The following SUPT3H variants were observed in gnomAD, a reference collection of about 807,000 sequenced individuals.
SUPT3H encodes transcription initiation protein SPT3 homolog.
SUPT3H carries 44 observed loss-of-function variants against 44.3 expected under a neutral mutation model. The ratio of observed to expected loss-of-function variants is 0.99; its 90% CI spans 0.78 to 1.28. The LOEUF (loss-of-function observed/expected upper bound fraction) is 1.28, where lower values mean the gene tolerates loss of function less well. Among genes scored for constraint, SUPT3H ranks in the 50% most tolerant of loss-of-function variants. The probability of loss-of-function intolerance (pLI) is 0.00; values close to 1 mark genes in which losing one functional copy is unlikely to be tolerated. For missense variants in SUPT3H, 380 were observed against 387.1 expected, an observed-to-expected ratio of 0.98 and a Z score of 0.15; for synonymous variants, 124 against 125.6, an observed-to-expected ratio of 0.99 and a Z score of 0.09.
At chr6:44,838,807 A>G (rs543299838) in intron 10 of SUPT3H, among the ~76,000 whole-genome samples, 1 of 152,304 alleles carries the variant, frequency 6.6e-6, no homozygotes, top group South Asian at 2.1e-4. Flanking sequence ...GACTGACAAT[A>G]GGGGGGCATG....
At chr6:44,849,332 T>C (rs1772463383) in intron 10 of SUPT3H, among the ~76,000 whole-genome samples, 1 of 147,828 alleles carries the variant, frequency 6.8e-6, no homozygotes, top group African/African-American at 2.5e-5. Context: ...GTTCACGCCA[T>C]TCTCCTGCCT....
chr6:45,192,978 G>A (rs1002987545), intron 2 of SUPT3H, among the ~76,000 whole-genome samples: 25 of 152,104 alleles, frequency 1.6e-4, no homozygotes, highest in African/African-American at 4.3e-4. Flanking sequence ...TGACCAGCCC[G>A]CCCAAATTTT....
chr6:44,909,139 G>A (rs1249909268), intron 10 of SUPT3H, among the ~76,000 whole-genome samples: 1 of 91,576 alleles, frequency 1.1e-5, no homozygotes, highest in African/African-American at 4.1e-5. Flanking sequence ...GTGTGTGTGT[G>A]TGCGTGTGTG....
chr6:44,932,553 A>C (rs575631321), intron 10 of SUPT3H, 100 bp downstream of exon 10: 6 of 777,868 alleles, frequency 7.7e-6, no homozygotes, highest in Non-Finnish European at 1.2e-5. Context: ...GTCACCACAA[A>C]TTGCTTTCAA....
intron 2 of SUPT3H, among the ~76,000 whole-genome samples, chr6:45,170,086 A>C (rs1182904394): frequency 6.6e-6 from 1 of 152,182 alleles, no homozygotes; most frequent in Admixed American, 6.5e-5. Flanking sequence ...TAGTTGCCTC[A>C]CTTTGATTTA....
intron 3 of SUPT3H, among the ~76,000 whole-genome samples, chr6:45,073,504 C>A (rs187673161): frequency 1.3e-5 from 2 of 151,818 alleles, no homozygotes; most frequent in African/African-American, 2.4e-5. Context: ...CAGTTTATGG[C>A]GAACTGATAA....
chr6:45,222,342 C>G (rs190043405), intron 2 of SUPT3H, among the ~76,000 whole-genome samples: 1 of 152,062 alleles, frequency 6.6e-6, no homozygotes, highest in African/African-American at 2.4e-5. Context: ...CAACGCTTGA[C>G]AGTAAAACTA....
intron 10 of SUPT3H, among the ~76,000 whole-genome samples, chr6:44,903,429 A>T (rs1765442582): frequency 6.6e-6 from 1 of 152,232 alleles, no homozygotes; most frequent in Admixed American, 6.5e-5. Flanking sequence ...TAGAAAATCT[A>T]GAAGAAATGG....
At chr6:45,016,953 CCCA>C (rs1784381034) in intron 4 of SUPT3H, among the ~76,000 whole-genome samples, 1 of 150,382 alleles carries the variant, frequency 6.6e-6, no homozygotes, top group South Asian at 2.1e-4. Context: ...AGTTTACAGT[CCCA>C]CCAACAGTGT....
chr6:44,909,005 A>G (rs1766564541), intron 10 of SUPT3H, among the ~76,000 whole-genome samples: 1 of 152,130 alleles, frequency 6.6e-6, no homozygotes, highest in Non-Finnish European at 1.5e-5. Flanking sequence ...GTCCTTCCAG[A>G]TAATTCTATG....
chr6:44,947,559 C>A (rs1316840123), intron 9 of SUPT3H, among the ~76,000 whole-genome samples: 1 of 151,632 alleles, frequency 6.6e-6, no homozygotes, highest in East Asian at 1.9e-4. Flanking sequence ...TCTTTTTTTT[C>A]TTTTTCTTTC....
At chr6:45,153,596 C>T (rs1284301185) in intron 2 of SUPT3H, among the ~76,000 whole-genome samples, 1 of 152,150 alleles carries the variant, frequency 6.6e-6, no homozygotes, top group Admixed American at 6.6e-5. Flanking sequence ...GTTGGCTGGG[C>T]ACAGTGGCCC....
intron 2 of SUPT3H, among the ~76,000 whole-genome samples, chr6:45,313,874 A>G (rs1314148546): frequency 6.6e-6 from 1 of 152,198 alleles, no homozygotes; most frequent in East Asian, 1.9e-4. Flanking sequence ...CTTGATGAAC[A>G]TAGATACTAA....
At chr6:44,903,092 C>T (rs1765375251) in intron 10 of SUPT3H, among the ~76,000 whole-genome samples, 1 of 151,878 alleles carries the variant, frequency 6.6e-6, no homozygotes, top group Non-Finnish European at 1.5e-5. Context: ...AGATCTAAAA[C>T]TGACACCCTA....
At chr6:45,289,068 G>T (rs373385073) in intron 2 of SUPT3H, among the ~76,000 whole-genome samples, 107 of 152,136 alleles carry the variant, frequency 7.0e-4, no homozygotes, top group African/African-American at 2.6e-3. Flanking sequence ...ATAAGAAACT[G>T]TATCTTAAAA....
At chr6:45,002,864 G>T (rs116777866) in intron 6 of SUPT3H, among the ~76,000 whole-genome samples, 1,535 of 49,004 alleles carry the variant, frequency 0.031, 35 homozygotes, top group African/African-American at 0.11. Context: ...CTATAAAAAA[G>T]TTGGCACTTA....
intron 2 of SUPT3H, among the ~76,000 whole-genome samples, chr6:45,237,181 ACCC>A (rs1460147787): frequency 6.6e-6 from 1 of 152,186 alleles, no homozygotes; most frequent in Non-Finnish European, 1.5e-5. Context: ...TCAATGTCCT[ACCC>A]GTGAAATAAC....
At chr6:44,947,024 G>A (rs1773461523) in intron 9 of SUPT3H, among the ~76,000 whole-genome samples, 1 of 152,022 alleles carries the variant, frequency 6.6e-6, no homozygotes, top group Non-Finnish European at 1.5e-5. Flanking sequence ...TAACATCGAG[G>A]CAAAACCTTC....
intron 2 of SUPT3H, among the ~76,000 whole-genome samples, chr6:45,315,981 A>C (rs936721216): frequency 6.6e-6 from 1 of 151,102 alleles, no homozygotes; most frequent in Non-Finnish European, 1.5e-5. Context: ...AGATGATGGA[A>C]TACTACTCAA....
Sources: gnomAD v4.1 joint callset for allele counts (sites outside exome capture counted in the v4.1 genomes callset) on GRCh38, gnomAD v4.1.1 for gene constraint, MANE v1.5 for transcripts, NCBI Gene and HGNC (gene_info 2026-07-23, HGNC 2026-07-21) for gene names.